Variants in GLT1D1 observed in about 807,000 individuals in gnomAD.
GLT1D1 encodes glycosyltransferase 1 domain-containing protein 1.
A neutral mutation model predicts 28.7 loss-of-function variants in GLT1D1; 21 were observed. That is an observed-to-expected ratio of 0.73 (90% CI 0.52 to 1.05). GLT1D1 has a LOEUF of 1.05. Ranked by LOEUF, GLT1D1 falls within the 50% of genes least tolerant of loss-of-function variation. The probability of loss-of-function intolerance (pLI) is 0.00; values close to 1 mark genes in which losing one functional copy is unlikely to be tolerated. For synonymous variants in GLT1D1, 147 were observed against 124.8 expected (o/e 1.18, Z -1.19); for missense variants, 343 against 330.6 (o/e 1.04, Z -0.29).
rs574088024 is a variant in GLT1D1, at chr12:128,889,169, G to A, written c.323+425G>A. On this transcript the variant is annotated intron_variant, in intron 3 of 7. Transcript: ENST00000281703. ...CAAGTGTTCTGGATGTAGAAAACAC[G>A]AATCACAGGCAAACTCCAGCCTTAG... 3.9e-5 allele frequency among the ~76,000 whole-genome samples: 6 copies of A among 152,144 alleles called. No homozygotes were observed. The East Asian group carries it at 5.8e-4, about 15-fold the overall frequency.
chr12:128,874,117 T>TCC (rs1168210946), intron 1 of GLT1D1, among the ~76,000 whole-genome samples: 34 of 68,008 alleles, frequency 5.0e-4, no homozygotes, highest in African/African-American at 2.2e-3. Flanking sequence ...TCTCTCTCTC[T>TCC]CTCTCTCTCT....
rs556873000 is a variant in GLT1D1 at position 128,854,229 on chromosome 12, T to TCGCTGGAA, written c.68+584_68+591dup. Among the ~76,000 whole-genome samples the TCGCTGGAA allele has an allele frequency of 3.7e-3, 560 of 151,654 alleles. 4 individuals carry two copies. Among genetic ancestry groups the TCGCTGGAA allele is most frequent in the African/African-American group, 0.013 (520 of 41,306 alleles). On this transcript the variant is annotated intron_variant, in intron 1 of 7. Coordinates refer to ENST00000281703, the MANE Select transcript of GLT1D1 (RefSeq NM_144669.3). ...GTTTACTTGTTGGTCTGTGTTCTGGTCGCTGGAACGCAAGCCCGGCGGGGG... is the reference window on the plus strand; with the variant it reads ...GTTTACTTGTTGGTCTGTGTTCTGGTCGCTGGAACGCTGGAACGCAAGCCCGGCGGGGG...
intron 1 of GLT1D1, 78 bp from the exon 2 acceptor site, chr12:128,875,835 AG>A: frequency 7.9e-7 from 1 of 1,262,200 alleles, no homozygotes; most frequent in South Asian, 1.5e-5. Context: ...AAAAAAAAAA[AG>A]TCTTAACTGT....
chr12:128,923,879 G>A (rs374019290), intron 4 of GLT1D1, among the ~76,000 whole-genome samples: 22 of 152,022 alleles, frequency 1.4e-4, no homozygotes, highest in African/African-American at 5.1e-4. Context: ...AAGCAAATGT[G>A]TCTAAATTTA....
In GLT1D1 at chr12:128,983,103, A is replaced by T. The variant is rs147418750; in HGVS notation, c.*13A>T. 5.5e-4 allele frequency: 885 copies of T among 1,612,042 alleles called. 4 individuals are homozygous for T. In the African/African-American group the frequency reaches 0.011, roughly 20 times the overall value. ...CACTGAAGATTGAGGGCCCCGCCTC[A>T]TCAGACACCTGCTCTCTGACACACA... On this transcript the variant is annotated 3_prime_UTR_variant, in exon 8 of 8. Coordinates refer to ENST00000281703, the MANE Select transcript of GLT1D1 (RefSeq NM_144669.3). The surrounding 1 kb of genome is among the most constrained non-coding windows in gnomAD (Gnocchi z 4.7).
intron 1 of GLT1D1, among the ~76,000 whole-genome samples, chr12:128,866,224 A>T (rs10847708): frequency 0.028 from 4,063 of 146,832 alleles, 196 homozygotes; most frequent in Admixed American, 0.11. Flanking sequence ...GCCTGCCACC[A>T]TGCGTGGCTA....
At chr12:128,913,083 G>A (rs539534835) in intron 4 of GLT1D1, among the ~76,000 whole-genome samples, 3 of 152,174 alleles carry the variant, frequency 2.0e-5, no homozygotes, top group African/African-American at 4.8e-5. Context: ...AACCAAATGC[G>A]GAGCTTCTGT....
intron 4 of GLT1D1, 100 bp from the exon 8 acceptor site, chr12:128,927,005 A>G (rs1244639197): frequency 1.4e-6 from 1 of 709,800 alleles, no homozygotes; most frequent in Non-Finnish European, 2.4e-6. Flanking sequence ...GATATGAAAT[A>G]ATTTATGTTA....
chr12:128,859,384 G>A lies in GLT1D1; in HGVS notation c.68+5735G>A, dbSNP rs543645328. On this transcript the variant is annotated intron_variant, in intron 1 of 7. Transcript: ENST00000281703. ...CCTGTAGATCAGCGACTCTGCCTCC[G>A]GAAGAGCATGGGGCACAGAGGATGT... is the stretch of plus-strand genomic sequence containing the variant. Among the ~76,000 whole-genome samples, 8 of 152,284 alleles carry A rather than the reference G, an allele frequency of 5.3e-5. No individual in the cohort carries two copies. The South Asian group carries it at 1.4e-3, about 28-fold the overall frequency.
chr12:128,948,878 CA>C lies in GLT1D1; in HGVS notation c.540+1423del, dbSNP rs1435162182. Among the ~76,000 whole-genome samples the C allele has an allele frequency of 2.6e-5, 4 of 152,164 alleles. No homozygotes were observed. The East Asian group carries it at 7.7e-4, about 29-fold the overall frequency. On this transcript the variant is annotated intron_variant, in intron 6 of 7. Transcript: ENST00000281703. ...CATTTATAAAAGAAAAAAAAGACCCCAAAGAAAAAAACACAGAGGGAGATGG... is the reference window on the plus strand; with the variant it reads ...CATTTATAAAAGAAAAAAAAGACCCCAAGAAAAAAACACAGAGGGAGATGG...
chr12:128,975,707 C>T lies in GLT1D1; in HGVS notation c.640-7222C>T, dbSNP rs142126825. On this transcript the variant is annotated intron_variant, in intron 7 of 7. Coordinates refer to ENST00000281703, the MANE Select transcript of GLT1D1 (RefSeq NM_144669.3). The stretch of plus-strand genomic sequence containing the variant: ...CCTCAAGTGATCCACCCGCCTTGGG[C>T]TCCCAAAGTGCAGAGATTACATGTG... Among the ~76,000 whole-genome samples the T allele has an allele frequency of 5.5e-3, 835 of 152,302 alleles. 17 individuals are homozygous for T. Among genetic ancestry groups the T allele is most frequent in the Non-Finnish European group, 8.1e-3 (548 of 68,030 alleles).
At chr12:128,970,666 G>A (rs1165050947) in intron 7 of GLT1D1, among the ~76,000 whole-genome samples, 13 of 152,244 alleles carry the variant, frequency 8.5e-5, no homozygotes. Context: ...CTCACCCTCT[G>A]TCTCTAACCG....
chr12:128,905,777 T>G (rs1334936676), intron 4 of GLT1D1, among the ~76,000 whole-genome samples: 1 of 152,120 alleles, frequency 6.6e-6, no homozygotes, highest in Non-Finnish European at 1.5e-5. Context: ...GGTTATGTTT[T>G]GGGATGGCAT....
chr12:128,904,619 C>T (rs1258652304), intron 4 of GLT1D1, among the ~76,000 whole-genome samples: 2 of 121,050 alleles, frequency 1.7e-5, no homozygotes, highest in African/African-American at 6.6e-5. Context: ...AGCATGAAAA[C>T]AGTCTTTTTT....
intron 6 of GLT1D1, among the ~76,000 whole-genome samples, chr12:128,953,230 C>G (rs940928536): frequency 2.6e-5 from 4 of 152,186 alleles, no homozygotes; most frequent in Non-Finnish European, 5.9e-5. Context: ...TACAAATCTC[C>G]TATCAGCCTA....
chr12:128,935,412 A>G lies in GLT1D1; in HGVS notation c.376-9914A>G, dbSNP rs369730703. 8.1e-3 allele frequency among the ~76,000 whole-genome samples: 1,236 copies of G among 152,108 alleles called. 22 individuals are homozygous for G. Among genetic ancestry groups the G allele is most frequent in the African/African-American group, 0.028 (1,181 of 41,502 alleles). ...CAAAATTCACTGGGTGTGGTGGCAC[A>G]TGCCTGTAATCCCAGCTACTCAGGA... On this transcript the variant is annotated intron_variant, in intron 4 of 7. Coordinates refer to ENST00000281703, the MANE Select transcript of GLT1D1 (RefSeq NM_144669.3).
chr12:128,923,616 G>T (rs1349249648), intron 4 of GLT1D1, among the ~76,000 whole-genome samples: 1 of 151,858 alleles, frequency 6.6e-6, no homozygotes, highest in Non-Finnish European at 1.5e-5. Flanking sequence ...CCGCCTCCCG[G>T]GTTTAAGCGA....
chr12:128,976,211 G>C (rs575561290), intron 7 of GLT1D1, among the ~76,000 whole-genome samples: 1 of 152,328 alleles, frequency 6.6e-6, no homozygotes, highest in East Asian at 1.9e-4. Flanking sequence ...GGAAAATGAG[G>C]CAGGCACGGC....
chr12:128,977,621 G>A (rs1319498007), intron 7 of GLT1D1, among the ~76,000 whole-genome samples: 4 of 152,134 alleles, frequency 2.6e-5, no homozygotes, highest in Non-Finnish European at 4.4e-5. Context: ...CACCTGCTGG[G>A]CCCCGGAAGG....
Sources: allele counts gnomAD v4.1 joint callset (sites outside exome capture counted in the v4.1 genomes callset), GRCh38; gene constraint gnomAD v4.1.1; non-coding constraint Gnocchi (gnomAD v3.1); transcripts MANE v1.5; gene names NCBI Gene and HGNC (gene_info 2026-07-23, HGNC 2026-07-21).